The following KLHDC1 variants were observed in gnomAD, a reference collection of about 807,000 sequenced individuals.
The protein encoded by KLHDC1 is kelch domain-containing protein 1.
KLHDC1 carries 53 observed loss-of-function variants against 68.3 expected under a neutral mutation model. The ratio of observed to expected loss-of-function variants is 0.78; its 90% confidence interval spans 0.62 to 0.98. The LOEUF is 0.98. Ranked by LOEUF, KLHDC1 falls within the 50% of genes least tolerant of loss-of-function variation. The pLI, the probability that KLHDC1 is intolerant of heterozygous loss-of-function variation, is 0.00. For missense variants in KLHDC1, 470 were observed against 492.3 expected, an observed-to-expected ratio of 0.95 and a Z score of 0.43; for synonymous variants, 148 against 159.0, an observed-to-expected ratio of 0.93 and a Z score of 0.52.
chr14:49,723,043 C>CAT (rs1888572298), intron 4 of KLHDC1, among the ~76,000 whole-genome samples: 1 of 132,950 alleles, frequency 7.5e-6, no homozygotes, highest in Admixed American at 8.8e-5. Flanking sequence ...GCAGAGATCA[C>CAT]GCCACTGCAC....
At chr14:49,695,141 T>TGTGTGTGTGC (rs1456255937) in intron 1 of KLHDC1, among the ~76,000 whole-genome samples, 1 of 151,678 alleles carries the variant, frequency 6.6e-6, no homozygotes, top group Non-Finnish European at 1.5e-5. Context: ...TGTGTGTGTG[T>TGTGTGTGTGC]GTGTGTGTTT....
intron 1 of KLHDC1, among the ~76,000 whole-genome samples, chr14:49,699,653 C>T (rs996619349): frequency 6.6e-6 from 1 of 152,102 alleles, no homozygotes; most frequent in Non-Finnish European, 1.5e-5. Context: ...AACATATGTT[C>T]TAAAGCTCAC....
In KLHDC1 at chr14:49,736,596, A is replaced by G. The variant is rs182346766; in HGVS notation, c.896+1935A>G. Among the ~76,000 whole-genome samples the G allele has an allele frequency of 2.9e-3, 447 of 152,318 alleles. 3 individuals carry two copies. The highest frequency in any genetic ancestry group is 0.01 in the African/African-American group (431 of 41,574). On this transcript the variant is annotated intron_variant, in intron 10 of 12. Transcript: ENST00000359332. ...AAAAGTGACAATTTAGCTAAGATCT[A>G]TAAGCATTTTGTACAAATTTTTCAA...
intron 1 of KLHDC1, among the ~76,000 whole-genome samples, chr14:49,695,649 C>A (rs1043590203): frequency 6.6e-6 from 1 of 152,202 alleles, no homozygotes; most frequent in Non-Finnish European, 1.5e-5. Context: ...AAGACAGCTA[C>A]TACATTAGCC....
intron 12 of KLHDC1, among the ~76,000 whole-genome samples, chr14:49,747,100 C>T (rs1408819046): frequency 6.6e-6 from 1 of 152,100 alleles, no homozygotes; most frequent in African/African-American, 2.4e-5. Flanking sequence ...GTGCCCGCCA[C>T]CACACCCGGC....
chr14:49,718,669 C>T (rs1594664033), intron 4 of KLHDC1, among the ~76,000 whole-genome samples: 1 of 151,136 alleles, frequency 6.6e-6, no homozygotes, highest in South Asian at 2.1e-4. Context: ...AATCTGCTCT[C>T]TTTTTTCTTA....
intron 4 of KLHDC1, among the ~76,000 whole-genome samples, chr14:49,713,850 A>ATTTTTTTT (rs869250721): frequency 6.0e-5 from 3 of 50,220 alleles, no homozygotes; most frequent in Non-Finnish European, 9.7e-5. Flanking sequence ...ATATATATAT[A>ATTTTTTTT]TTTTTTTTTT....
At chr14:49,717,830 CA>C (rs1404720142) in intron 4 of KLHDC1, among the ~76,000 whole-genome samples, 1 of 152,034 alleles carries the variant, frequency 6.6e-6, no homozygotes, top group African/African-American at 2.4e-5. Context: ...CTGATTCAAT[CA>C]TCTTACTTGT....
At chr14:49,748,165 A>G (rs1177280182) in intron 12 of KLHDC1, among the ~76,000 whole-genome samples, 2 of 152,222 alleles carry the variant, frequency 1.3e-5, no homozygotes, top group African/African-American at 4.8e-5. Flanking sequence ...TTCTCCACAC[A>G]GATGCTAAAA....
chr14:49,702,912 T>A (rs1887948104), intron 1 of KLHDC1, among the ~76,000 whole-genome samples: 1 of 152,198 alleles, frequency 6.6e-6, no homozygotes, highest in African/African-American at 2.4e-5. Context: ...AAGGCAGCAG[T>A]GTGGTGTGCA....
intron 1 of KLHDC1, among the ~76,000 whole-genome samples, chr14:49,706,704 G>A (rs183931693): frequency 1.9e-4 from 29 of 152,258 alleles, no homozygotes; most frequent in African/African-American, 5.1e-4. Flanking sequence ...TCTCATTGTA[G>A]TTTTGATTTG....
At chr14:49,740,380 C>T (rs1889032212) in intron 11 of KLHDC1, among the ~76,000 whole-genome samples, 198 bp downstream of exon 11, 1 of 152,108 alleles carries the variant, frequency 6.6e-6, no homozygotes, top group Admixed American at 6.5e-5. Context: ...CTCTGTCCCC[C>T]AGGCTGGAGT....
intron 11 of KLHDC1, among the ~76,000 whole-genome samples, chr14:49,742,904 G>C (rs1889098927): frequency 6.6e-6 from 1 of 151,764 alleles, no homozygotes; most frequent in Admixed American, 6.6e-5. Flanking sequence ...GGGCAACATG[G>C]TGAAACCCTG....
intron 1 of KLHDC1, among the ~76,000 whole-genome samples, chr14:49,705,343 C>A (rs1888019311): frequency 7.8e-6 from 1 of 127,682 alleles, no homozygotes; most frequent in South Asian, 2.8e-4. Context: ...TGACAATTCA[C>A]TTTCATAATA....
intron 1 of KLHDC1, among the ~76,000 whole-genome samples, chr14:49,696,098 G>A (rs1174710942): frequency 6.7e-6 from 1 of 150,098 alleles, no homozygotes; most frequent in African/African-American, 2.4e-5. Context: ...ATTGTTTAGT[G>A]TAGCCACCTT....
intron 1 of KLHDC1, chr14:49,708,689 T>A (rs1888121830): frequency 1.3e-5 from 2 of 153,290 alleles, no homozygotes; most frequent in Admixed American, 1.3e-4. Context: ...TCAAAAAATA[T>A]GTTCAGTGAA....
intron 4 of KLHDC1, among the ~76,000 whole-genome samples, chr14:49,722,984 G>A (rs1342756085): frequency 5.9e-5 from 9 of 151,478 alleles, no homozygotes; most frequent in Non-Finnish European, 1.5e-5. Flanking sequence ...CTACGCAGGA[G>A]GCTGAGGCAG....
intron 12 of KLHDC1, among the ~76,000 whole-genome samples, chr14:49,750,807 C>T (rs891235286): frequency 1.3e-5 from 2 of 152,074 alleles, no homozygotes; most frequent in Admixed American, 6.6e-5. Context: ...CTAATGGAAT[C>T]AAAGGGGAAA....
intron 1 of KLHDC1, among the ~76,000 whole-genome samples, chr14:49,702,451 A>G (rs1036263009): frequency 6.6e-6 from 1 of 152,210 alleles, no homozygotes; most frequent in Non-Finnish European, 1.5e-5. Context: ...TCTTTAACCT[A>G]ATAGTTCTAC....
Sources: allele counts gnomAD v4.1 joint callset (sites outside exome capture counted in the v4.1 genomes callset), GRCh38; gene constraint gnomAD v4.1.1; transcripts MANE v1.5; gene names NCBI Gene and HGNC (gene_info 2026-07-23, HGNC 2026-07-21).